The following PPP1R9B variants were observed in gnomAD, a reference collection of about 807,000 sequenced individuals.
The protein encoded by PPP1R9B is neurabin-2.
Under a neutral mutation model 75.8 loss-of-function variants are expected in PPP1R9B, and 17 were observed. That is an observed-to-expected ratio of 0.22 (90% CI 0.15 to 0.34). The LOEUF is 0.34. PPP1R9B is among the 10% of genes least tolerant of loss of function. PPP1R9B has a pLI of 1.00. For missense variants in PPP1R9B, 875 were observed against 1,196.0 expected, an observed-to-expected ratio of 0.73 and a Z score of 3.96; for synonymous variants, 509 against 535.4, an observed-to-expected ratio of 0.95 and a Z score of 0.68.
intron 7 of PPP1R9B, among the ~76,000 whole-genome samples, chr17:50,138,357 G>T (rs1025213995): frequency 2.6e-5 from 4 of 152,202 alleles, no homozygotes; most frequent in Non-Finnish European, 4.4e-5. Flanking sequence ...TGCATATCCA[G>T]GCTGATAGCC....
intron 1 of PPP1R9B, chr17:50,146,035 A>T (rs990972618): frequency 6.6e-6 from 1 of 152,570 alleles, no homozygotes; most frequent in African/African-American, 2.4e-5. Flanking sequence ...GGGGCCCAGG[A>T]GACTGAGGAG....
In PPP1R9B at chr17:50,149,274, C is replaced by T. The variant is rs370781028; in HGVS notation, c.1240G>A (p.Asp414Asn). 3 of 1,612,844 alleles carry T rather than the reference C, an allele frequency of 1.9e-6. No individual in the cohort carries two copies. In the African/African-American group the frequency reaches 4.0e-5, roughly 22 times the overall value. Reference sequence around the variant, plus strand: ...TCCCCATCCTCCTCGTCGTCTTCGTCGTCCTCCTCCAGGGCACTGCCCGCA... The same window carrying T: ...TCCCCATCCTCCTCGTCGTCTTCGTTGTCCTCCTCCAGGGCACTGCCCGCA... ...DSAGSALEED[D>N]EDDEEDGEPP... The change falls in exon 1 of 10, where the codon GAC becomes AAC. Residue 414 changes from aspartate (D) to asparagine (N), a missense_variant. By Grantham distance (23) the Asp-to-Asn change is conservative (BLOSUM62 1). Transcript: ENST00000612501. The surrounding 1 kb of genome is among the most constrained non-coding windows in gnomAD (Gnocchi z 7.2).
chr17:50,141,707 C>T (rs1292831601), intron 3 of PPP1R9B, among the ~76,000 whole-genome samples: 1 of 149,498 alleles, frequency 6.7e-6, no homozygotes, highest in African/African-American at 2.5e-5. Context: ...AAAACAACAA[C>T]AAAAAACCTC....
In PPP1R9B at chr17:50,149,498, G is replaced by A. The variant is rs1280110489; in HGVS notation, c.1016C>T (p.Ala339Val). 29 of 1,596,748 alleles carry A rather than the reference G, an allele frequency of 1.8e-5. No individual in the cohort carries two copies. Among genetic ancestry groups the A allele is most frequent in the Non-Finnish European group, 2.4e-5 (28 of 1,173,180 alleles). ...CTTTGGCTCCTCGGGCGCGGGGCTGGCTGCAGTTGCCACGGTGCTGCCATT... is the reference window on the plus strand; with the variant it reads ...CTTTGGCTCCTCGGGCGCGGGGCTGACTGCAGTTGCCACGGTGCTGCCATT... ...LENGSTVATA[A>V]SPAPEEPKAQ... The change falls in exon 1 of 10, where the codon GCC becomes GTC. Residue 339 changes from alanine to valine, a missense_variant. Ala to Val is a moderately conservative substitution (Grantham distance 64). This residue lies in a region of PPP1R9B where 449 missense variants were observed against 475.0 expected (regional missense o/e 0.95). Coordinates refer to ENST00000612501, the MANE Select transcript of PPP1R9B (RefSeq NM_032595.5). The surrounding 1 kb of genome is among the most constrained non-coding windows in gnomAD (Gnocchi z 7.2).
In PPP1R9B at chr17:50,145,168, G is replaced by A. The variant is rs778597210; in HGVS notation, c.1449C>T (p.Tyr483=). The A allele has an allele frequency of 3.2e-5, 52 of 1,613,890 alleles. No homozygotes were observed. The highest frequency in any genetic ancestry group is 1.6e-4 in the Middle Eastern group (1 of 6,082). ...DVDPMAASAE[Y]ELEKRVERLE... ...ACCTCTCCACACGCTTCTCCAGCTC[G>A]TACTCAGCAGAGGCTGCCATGGGAT... The change falls in exon 2 of 10, where the codon TAC becomes TAT. Residue 483 remains tyrosine, a synonymous_variant. Transcript: ENST00000612501.
chr17:50,149,988 C>A lies in PPP1R9B; in HGVS notation c.526G>T (p.Ala176Ser), dbSNP rs1434461778. The change falls in exon 1 of 10, where the codon GCC becomes TCC. Residue 176 changes from alanine to serine, a missense_variant. Ala to Ser is a moderately conservative substitution (Grantham distance 99). This residue lies in a region of PPP1R9B where 449 missense variants were observed against 475.0 expected (regional missense o/e 0.95). Transcript: ENST00000612501. This position sits in a 1 kb window ranked among gnomAD's most constrained non-coding sequence, Gnocchi z 7.2. ...AARRLLRQER[A>S]GLQDRKLDVV... ...TCCAGCTTCCGGTCCTGCAGGCCGG[C>A]GCGCTCCTGCCTCAGCAGCCGCCGC... 6.6e-7 allele frequency: 1 copy of A among 1,504,934 alleles called. No homozygotes were observed. Among genetic ancestry groups the A allele is most frequent in the South Asian group, 1.2e-5 (1 of 80,988 alleles). The allele number at this position is 1,504,934 out of a possible 1,614,324, so 93.2% of individuals were successfully genotyped here. A position where few individuals can be genotyped will look rare whatever the true frequency, so the allele number is the denominator to read the frequency against.
At position 50,135,307 on chromosome 17, in the gene PPP1R9B, T is replaced by C; in HGVS notation, c.*24A>G. Reference sequence around the variant, plus strand: ...GGACAATGGGAGGGGGGTTAATTATTGTCCAGTCATGGAATGATTCCTGTT... The same window carrying C: ...GGACAATGGGAGGGGGGTTAATTATCGTCCAGTCATGGAATGATTCCTGTT... On this transcript the variant is annotated 3_prime_UTR_variant, in exon 10 of 10. Coordinates refer to ENST00000612501, the MANE Select transcript of PPP1R9B (RefSeq NM_032595.5). 6.3e-7 allele frequency: 1 copy of C among 1,599,852 alleles called. No homozygotes were observed. Among genetic ancestry groups the C allele is most frequent in the Non-Finnish European group, 8.6e-7 (1 of 1,167,590 alleles).
intron 1 of PPP1R9B, among the ~76,000 whole-genome samples, chr17:50,145,641 A>G (rs1912495857): frequency 6.6e-6 from 1 of 152,012 alleles, no homozygotes; most frequent in Non-Finnish European, 1.5e-5. Flanking sequence ...ACAAAGACAG[A>G]CACAGAGAGG....
intron 3 of PPP1R9B, among the ~76,000 whole-genome samples, chr17:50,141,931 G>A (rs1473860925): frequency 6.6e-6 from 1 of 152,146 alleles, no homozygotes; most frequent in African/African-American, 2.4e-5. Context: ...TTGACTGAGC[G>A]GTGTGACATT....
Position 50,143,725 on chromosome 17 carries a change from AAC to A in PPP1R9B, c.1505-9_1505-8del. On this transcript the variant is annotated splice_region_variant and splice_polypyrimidine_tract_variant and intron_variant, in intron 2 of 9. Coordinates refer to ENST00000612501, the MANE Select transcript of PPP1R9B (RefSeq NM_032595.5). ...ATGCCCAGGCCCTCGGAGTCTGTGG[AAC>A]AGAGAGTGGTGAGATGGCAGGGCTT... is the stretch of plus-strand genomic sequence containing the variant. 6.2e-7 allele frequency: 1 copy of A among 1,613,724 alleles called. No homozygotes were observed. The highest frequency in any genetic ancestry group is 1.3e-5 in the African/African-American group (1 of 75,048).
intron 1 of PPP1R9B, among the ~76,000 whole-genome samples, 158 bp from the exon 2 acceptor site, chr17:50,145,403 G>A (rs1031477131): frequency 6.6e-6 from 1 of 152,166 alleles, no homozygotes; most frequent in Non-Finnish European, 1.5e-5. Context: ...CCAGCTCTGA[G>A]CAAAACAAAG....
rs748547194 is a variant in PPP1R9B at position 50,149,431 on chromosome 17, C to A, written c.1083G>T (p.Pro361=). The change falls in exon 1 of 10, where the codon CCG becomes CCT. Residue 361 remains proline (P), a synonymous_variant. Coordinates refer to ENST00000612501, the MANE Select transcript of PPP1R9B (RefSeq NM_032595.5). This position sits in a 1 kb window ranked among gnomAD's most constrained non-coding sequence, Gnocchi z 7.2. ...GGCCATTGCCCACCCCCCTCTCTGGCGGCGCTACCGCCGCCGCCTCCTTCT... is the reference window on the plus strand; with the variant it reads ...GGCCATTGCCCACCCCCCTCTCTGGAGGCGCTACCGCCGCCGCCTCCTTCT... ...APEKEAAAVA[P]PERGVGNGRA... 3 of 1,607,786 alleles carry A rather than the reference C, an allele frequency of 1.9e-6. No homozygotes were observed. Among genetic ancestry groups the A allele is most frequent in the South Asian group, 2.2e-5 (2 of 90,772 alleles).
chr17:50,133,848 T>A lies in PPP1R9B; in HGVS notation c.*1483A>T, dbSNP rs1912134745. 1 of 152,510 alleles carries A rather than the reference T, an allele frequency of 6.6e-6. No homozygotes were observed. The highest frequency in any genetic ancestry group is 1.5e-5 in the Non-Finnish European group (1 of 68,074). 9.4% of individuals were successfully genotyped at this position (152,510 alleles called of 1,614,324 possible). A position where few individuals can be genotyped will look rare whatever the true frequency, so the allele number is the denominator to read the frequency against. ...ACAGAGATGCGGCCCTCCCGACGGC[T>A]GGGCAGGGGTGGCCGCTGGCCCAAG... On this transcript the variant is annotated 3_prime_UTR_variant, in exon 10 of 10. Transcript: ENST00000612501.
In PPP1R9B at chr17:50,149,419, C is replaced by G. The variant is rs377028093; in HGVS notation, c.1095G>C (p.Gly365=). The change falls in exon 1 of 10, where the codon GGG becomes GGC. Residue 365 remains glycine, a synonymous_variant. Transcript: ENST00000612501. This position sits in a 1 kb window ranked among gnomAD's most constrained non-coding sequence, Gnocchi z 7.2. ...CGTCCGGGGCCCGGCCATTGCCCAC[C>G]CCCCTCTCTGGCGGCGCTACCGCCG... is the stretch of plus-strand genomic sequence containing the variant. ...EAAAVAPPER[G]VGNGRAPDVA... The G allele has an allele frequency of 1.2e-6, 2 of 1,610,726 alleles. No individual in the cohort carries two copies. The highest frequency in any genetic ancestry group is 3.3e-4 in the Middle Eastern group (2 of 6,036).
Position 50,134,959 on chromosome 17 carries a change from TGG to T in PPP1R9B, c.*370_*371del, listed in dbSNP as rs1598243323. 2 of 229,740 alleles carry T rather than the reference TGG, an allele frequency of 8.7e-6. No homozygotes were observed. The highest frequency in any genetic ancestry group is 2.2e-4 in the East Asian group (2 of 9,236). The allele number at this position is 229,740 out of a possible 1,614,324, so 14.2% of individuals were successfully genotyped here. A position where few individuals can be genotyped will look rare whatever the true frequency, so the allele number is the denominator to read the frequency against. On this transcript the variant is annotated 3_prime_UTR_variant, in exon 10 of 10. Coordinates refer to ENST00000612501, the MANE Select transcript of PPP1R9B (RefSeq NM_032595.5). The stretch of plus-strand genomic sequence containing the variant: ...GGAGCAGCCCCCAGTTGGCAGATGC[TGG>T]GAGAGCCCCAGCCCCGTTCCAGTCC...
rs957952175 is a variant in PPP1R9B at position 50,139,200 on chromosome 17, G to A, written c.2073+63C>T. ...TCAGCATGTGCAGGTGTGAGGGTAG[G>A]GGGACCCTGCTCCTCAACACACACA... On this transcript the variant is annotated intron_variant, in intron 7 of 9. Transcript: ENST00000612501. The surrounding 1 kb of genome is among the most constrained non-coding windows in gnomAD (Gnocchi z 5.0). The A allele has an allele frequency of 5.0e-6, 8 of 1,592,626 alleles. No individual in the cohort carries two copies. The highest frequency in any genetic ancestry group is 2.7e-5 in the African/African-American group (2 of 74,488).
chr17:50,136,237 G>C, intron 7 of PPP1R9B, 40 bp from the exon 8 acceptor site: 1 of 1,552,500 alleles, frequency 6.4e-7, no homozygotes, highest in Non-Finnish European at 8.7e-7. Context: ...GTGGGGGCCA[G>C]CAGGAGCCAA....
intron 1 of PPP1R9B, chr17:50,145,965 C>T (rs1912508177): frequency 6.5e-6 from 1 of 153,102 alleles, no homozygotes; most frequent in Admixed American, 6.5e-5. Context: ...CCTGCACACC[C>T]AGGCCGCTCT....
chr17:50,136,266 C>T (rs1912227450), intron 7 of PPP1R9B, 69 bp from the exon 8 acceptor site: 13 of 1,347,468 alleles, frequency 9.6e-6, no homozygotes, highest in Non-Finnish European at 1.1e-5. Context: ...CCCATCCTAG[C>T]ACTGGGGCCA....
Sources: gnomAD v4.1 joint callset for allele counts (sites outside exome capture counted in the v4.1 genomes callset) on GRCh38, gnomAD v4.1.1 for gene constraint, gnomAD v4.1.1 regional missense constraint, Gnocchi (gnomAD v3.1) non-coding constraint, MANE v1.5 for transcripts, NCBI Gene and HGNC (gene_info 2026-07-23, HGNC 2026-07-21) for gene names.